The following FAAH2 variants were observed in gnomAD, a reference collection of about 807,000 sequenced individuals.
The protein encoded by FAAH2 is fatty-acid amide hydrolase 2.
A neutral mutation model predicts 36.9 loss-of-function variants in FAAH2; 60 were observed. The ratio of observed to expected loss-of-function variants is 1.63; its 90% CI spans 1.32 to 2.02. FAAH2 has a LOEUF of 2.02. FAAH2 is among the 30% of genes most tolerant of loss of function. The pLI is 0.00. For synonymous variants in FAAH2, 214 were observed against 143.8 expected (o/e 1.49, Z -3.49); for missense variants, 689 against 397.5 (o/e 1.73, Z -6.23).
At chrX:57,230,701 A>G in the FAAH2 span, among the ~76,000 whole-genome samples, 1 of 111,849 alleles carries the variant, frequency 8.9e-6, no homozygotes, top group South Asian at 3.7e-4. Context: ...CTTCAGTCCT[A>G]GAATTTCAAC....
At chrX:57,310,007 C>A (rs137869613) in intron 2 of FAAH2, among the ~76,000 whole-genome samples, 23 of 111,934 alleles carry the variant, frequency 2.1e-4, no homozygotes, top group Non-Finnish European at 4.1e-4. Flanking sequence ...ATTGTCACAC[C>A]GTTTTTCACA....
chrX:57,432,347 G>A (rs749409339), intron 8 of FAAH2, among the ~76,000 whole-genome samples: 1 of 111,106 alleles, frequency 9.0e-6, no homozygotes, highest in Non-Finnish European at 1.9e-5. Flanking sequence ...GATTATGCCA[G>A]GCAGAGGGGA....
chrX:57,212,269 G>A, the FAAH2 span, among the ~76,000 whole-genome samples: 1 of 112,022 alleles, frequency 8.9e-6, no homozygotes, highest in Non-Finnish European at 1.9e-5. Context: ...TACACAAGTT[G>A]CAAAGGAATG....
intron 2 of FAAH2, among the ~76,000 whole-genome samples, chrX:57,296,693 T>TA (rs1348707253): frequency 9.0e-6 from 1 of 110,872 alleles, no homozygotes; most frequent in Non-Finnish European, 1.9e-5. Context: ...ACAAAGAAGT[T>TA]AAAAAAACTT....
intron 7 of FAAH2, chrX:57,393,033 G>C: frequency 1.1e-6 from 1 of 895,074 alleles, no homozygotes; most frequent in South Asian, 2.0e-5. Context: ...TGCTTGTCCT[G>C]CTCTCTGGAC....
At chrX:57,379,531 G>T (rs866796789) in intron 6 of FAAH2, among the ~76,000 whole-genome samples, 1 of 102,588 alleles carries the variant, frequency 9.7e-6, no homozygotes, top group African/African-American at 3.6e-5. Context: ...TGTCTCTCTC[G>T]CTCTCTCTCT....
chrX:57,438,858 T>A (rs1435015433), intron 8 of FAAH2, among the ~76,000 whole-genome samples: 3 of 106,622 alleles, frequency 2.8e-5, no homozygotes, highest in Non-Finnish European at 5.8e-5. Flanking sequence ...GGTGTTTGGT[T>A]TTTTGTCCTT....
the FAAH2 span, among the ~76,000 whole-genome samples, chrX:57,193,922 A>G: frequency 9.0e-6 from 1 of 111,700 alleles, no homozygotes; most frequent in Non-Finnish European, 1.9e-5. Context: ...TTGGTTTGCT[A>G]GTATTTTGTT....
At chrX:57,157,657 TTA>T in the FAAH2 span, among the ~76,000 whole-genome samples, 1 of 111,522 alleles carries the variant, frequency 9.0e-6, no homozygotes, top group Non-Finnish European at 1.9e-5. Context: ...TTTCTTATAT[TTA>T]TGTTAAAACC....
chrX:57,296,967 C>T (rs2052182609), intron 2 of FAAH2, among the ~76,000 whole-genome samples: 1 of 109,773 alleles, frequency 9.1e-6, no homozygotes, highest in Non-Finnish European at 1.9e-5. Flanking sequence ...AACACCAAAT[C>T]TATGTCTGAT....
chrX:57,295,200 G>C (rs1282948704), intron 2 of FAAH2, among the ~76,000 whole-genome samples: 1 of 111,923 alleles, frequency 8.9e-6, no homozygotes, highest in Admixed American at 9.5e-5. Flanking sequence ...CCAGCTGACT[G>C]GTGCCAGTAT....
intron 1 of FAAH2, 101 bp from the exon 2 acceptor site, chrX:57,292,397 T>C: frequency 1.4e-6 from 1 of 739,416 alleles, no homozygotes; most frequent in Non-Finnish European, 2.0e-6. Flanking sequence ...TGAAAGTGTC[T>C]CAAAAAATGA....
chrX:57,285,115 C>T (rs768436495), upstream of FAAH2, among the ~76,000 whole-genome samples: 35 of 112,404 alleles, frequency 3.1e-4, no homozygotes, highest in Non-Finnish European at 6.6e-4. Context: ...ATTATGACAA[C>T]CTGCTTTATC....
the FAAH2 span, among the ~76,000 whole-genome samples, chrX:57,241,460 A>C: frequency 0.45 from 49,457 of 110,957 alleles, 10,895 homozygotes; most frequent in African/African-American, 0.86. Flanking sequence ...AAAAAAACAG[A>C]CCTATTAAAA....
chrX:57,169,725 A>G, the FAAH2 span, among the ~76,000 whole-genome samples: 1 of 102,385 alleles, frequency 9.8e-6, no homozygotes, highest in South Asian at 4.9e-4. Context: ...TTACCTATTG[A>G]CTGTTTTCAA....
At chrX:57,366,132 A>ATTTC (rs936198894) in intron 5 of FAAH2, among the ~76,000 whole-genome samples, 13 of 110,449 alleles carry the variant, frequency 1.2e-4, no homozygotes, top group South Asian at 3.8e-4. Context: ...TTCTTGCACT[A>ATTTC]TTTCTTTCTT....
At chrX:57,323,658 C>A (rs1345232801) in intron 3 of FAAH2, among the ~76,000 whole-genome samples, 1 of 105,285 alleles carries the variant, frequency 9.5e-6, no homozygotes, top group Non-Finnish European at 1.9e-5. Context: ...TGTTCATATC[C>A]TTCACCCACT....
chrX:57,355,726 A>G (rs1372300626), intron 5 of FAAH2, among the ~76,000 whole-genome samples: 1 of 110,993 alleles, frequency 9.0e-6, no homozygotes, highest in Non-Finnish European at 1.9e-5. Flanking sequence ...ACGATCATGC[A>G]ATCTGCAGAA....
chrX:57,143,392 G>A, the FAAH2 span, among the ~76,000 whole-genome samples: 1 of 110,666 alleles, frequency 9.0e-6, no homozygotes, highest in Non-Finnish European at 1.9e-5. Flanking sequence ...CTGAAAAAAT[G>A]CTACACTTTA....
Sources: allele counts gnomAD v4.1 joint callset (sites outside exome capture counted in the v4.1 genomes callset), GRCh38; gene constraint gnomAD v4.1.1; transcripts MANE v1.5; gene names NCBI Gene and HGNC (gene_info 2026-07-23, HGNC 2026-07-21).